THADA: variants seen among roughly 807,000 people sequenced by gnomAD.
THADA encodes tRNA (32-2'-O)-methyltransferase regulator THADA.
THADA carries 213 observed loss-of-function variants against 219.8 expected under a neutral mutation model. That is an observed-to-expected ratio of 0.97 (90% CI 0.87 to 1.09). THADA has a LOEUF of 1.09. Among genes scored for constraint, THADA ranks in the 50% least tolerant of loss-of-function variants. The pLI, the probability that THADA is intolerant of heterozygous loss-of-function variation, is 0.00. For synonymous variants in THADA, 1,018 were observed against 828.9 expected (o/e 1.23, Z -3.92); for missense variants, 2,956 against 2,311.3 (o/e 1.28, Z -5.72).
At chr2:43,403,379 T>G (rs1675115552) in intron 28 of THADA, among the ~76,000 whole-genome samples, 1 of 152,168 alleles carries the variant, frequency 6.6e-6, no homozygotes, top group Non-Finnish European at 1.5e-5. Flanking sequence ...GAACACTTAT[T>G]AAAGACCAGG....
At chr2:43,572,617 C>G (rs1699419735) in intron 12 of THADA, among the ~76,000 whole-genome samples, 197 bp downstream of exon 12, 1 of 152,108 alleles carries the variant, frequency 6.6e-6, no homozygotes, top group South Asian at 2.1e-4. Context: ...TGTAAGTTTT[C>G]TTACATCCTC....
At chr2:43,312,720 T>TC (rs1677649867) in intron 31 of THADA, among the ~76,000 whole-genome samples, 1 of 149,026 alleles carries the variant, frequency 6.7e-6, no homozygotes, top group South Asian at 2.1e-4. Flanking sequence ...AAAGCCTGTT[T>TC]TTTTTTTTTT....
At chr2:43,502,799 T>A (rs1379174417) in intron 24 of THADA, among the ~76,000 whole-genome samples, 5 of 151,878 alleles carry the variant, frequency 3.3e-5, no homozygotes, top group African/African-American at 9.7e-5. Context: ...AGAATATATA[T>A]GTAATTCAAA....
intron 25 of THADA, among the ~76,000 whole-genome samples, chr2:43,485,837 C>T (rs1686849220): frequency 6.6e-6 from 1 of 151,120 alleles, no homozygotes; most frequent in Non-Finnish European, 1.5e-5. Flanking sequence ...TGAGACCAGC[C>T]TGGGCAATAC....
intron 28 of THADA, among the ~76,000 whole-genome samples, chr2:43,413,564 T>C (rs1431051322): frequency 6.6e-6 from 1 of 152,256 alleles, no homozygotes; most frequent in Non-Finnish European, 1.5e-5. Context: ...AATATCACTA[T>C]TTGATAATCA....
rs547084910 is a variant in THADA, at chr2:43,274,533, A to C, written c.5296+5232T>G. On this transcript the variant is annotated intron_variant, in intron 36 of 37. Coordinates refer to ENST00000405975, the MANE Select transcript of THADA (RefSeq NM_022065.5). ...GAGAGAACTAAAGCACAGGAAAGGG[A>C]AAATGATAAAAGCGTAGAATAGCAA... Among the ~76,000 whole-genome samples, 4 of 152,334 alleles carry C rather than the reference A, an allele frequency of 2.6e-5. No individual in the cohort carries two copies. In the South Asian group the frequency reaches 8.3e-4, roughly 32 times the overall value.
At chr2:43,257,406 G>A (rs1166840304) in intron 36 of THADA, among the ~76,000 whole-genome samples, 2 of 152,240 alleles carry the variant, frequency 1.3e-5, no homozygotes, top group Non-Finnish European at 2.9e-5. Context: ...CAATCATAAA[G>A]AGGAGAGAGG....
chr2:43,293,828 T>C (rs1675039419), intron 31 of THADA, among the ~76,000 whole-genome samples: 1 of 152,214 alleles, frequency 6.6e-6, no homozygotes, highest in African/African-American at 2.4e-5. Flanking sequence ...ATGGGGTCAC[T>C]GTCTCTCATT....
intron 31 of THADA, among the ~76,000 whole-genome samples, chr2:43,312,505 A>C (rs2104441654): frequency 6.6e-6 from 1 of 152,272 alleles, no homozygotes; most frequent in South Asian, 2.1e-4. Flanking sequence ...TACTCAGCGC[A>C]AGGTTTGGAA....
chr2:43,504,908 G>A (rs546139826), intron 24 of THADA, among the ~76,000 whole-genome samples: 3 of 152,276 alleles, frequency 2.0e-5, no homozygotes, highest in East Asian at 3.9e-4. Flanking sequence ...CCAAAAAGGA[G>A]TGTCCTACTA....
chr2:43,311,108 G>A (rs1277545649), intron 31 of THADA, among the ~76,000 whole-genome samples: 3 of 152,034 alleles, frequency 2.0e-5, no homozygotes, highest in South Asian at 4.1e-4. Flanking sequence ...ACCGGGAGGC[G>A]GAGGTTGCAG....
chr2:43,445,409 G>C (rs1363771318), intron 26 of THADA, among the ~76,000 whole-genome samples: 1 of 152,182 alleles, frequency 6.6e-6, no homozygotes, highest in Admixed American at 6.5e-5. Flanking sequence ...GCTGACACTA[G>C]CTTTTCTCCC....
At chr2:43,584,963 C>T (rs138206134) in intron 7 of THADA, among the ~76,000 whole-genome samples, 137 of 152,272 alleles carry the variant, frequency 9.0e-4, no homozygotes, top group African/African-American at 3.1e-3. Flanking sequence ...GCACAGTGCA[C>T]GCCAAATACT....
Position 43,431,982 on chromosome 2 carries a change from A to G in THADA, c.3837-1680T>C, listed in dbSNP as rs1178606841. Among the ~76,000 whole-genome samples, 10 of 121,890 alleles carry G rather than the reference A, an allele frequency of 8.2e-5. No individual in the cohort carries two copies. In the South Asian group the frequency reaches 2.5e-3, roughly 30 times the overall value. The allele number at this position is 121,890 out of a possible 152,430, so 80.0% of individuals were successfully genotyped here. Reference sequence around the variant, plus strand: ...CGCCATTCTCCTGCCTCAGCCTCCCAAGTAGCTGGGACTACAGGCGCCCGC... The same window carrying G: ...CGCCATTCTCCTGCCTCAGCCTCCCGAGTAGCTGGGACTACAGGCGCCCGC... On this transcript the variant is annotated intron_variant, in intron 26 of 37. Coordinates refer to ENST00000405975, the MANE Select transcript of THADA (RefSeq NM_022065.5).
intron 10 of THADA, among the ~76,000 whole-genome samples, chr2:43,576,022 G>C (rs1699818323): frequency 6.6e-6 from 1 of 152,046 alleles, no homozygotes; most frequent in South Asian, 2.1e-4. Context: ...AAATTCTAAA[G>C]CACTACACAT....
intron 24 of THADA, among the ~76,000 whole-genome samples, 172 bp downstream of exon 24, chr2:43,505,450 C>A (rs1229059131): frequency 2.6e-5 from 4 of 151,994 alleles, no homozygotes. Flanking sequence ...CAACTGCAGG[C>A]GGCTGAGGCA....
At position 43,293,002 on chromosome 2, in the gene THADA, T is replaced by C. The variant is rs777929892; in HGVS notation, c.4650A>G (p.Glu1550=). 6.2e-7 allele frequency: 1 copy of C among 1,613,998 alleles called. No individual in the cohort carries two copies. Among genetic ancestry groups the C allele is most frequent in the South Asian group, 1.1e-5 (1 of 91,082 alleles). ...NVPISFSQLL[E]SAFPEVRSLT... ...GTGAGCGCACTTCAGGGAAGGCAGATTCTAACAGCTGAGAGAAAGAGATGG... is the reference window on the plus strand; with the variant it reads ...GTGAGCGCACTTCAGGGAAGGCAGACTCTAACAGCTGAGAGAAAGAGATGG... Residue 1550 remains glutamate (E), a synonymous_variant, in exon 32 of 38, where the codon GAA becomes GAG. Coordinates refer to ENST00000405975, the MANE Select transcript of THADA (RefSeq NM_022065.5).
At chr2:43,324,042 A>G (rs1300089231) in intron 30 of THADA, among the ~76,000 whole-genome samples, 1 of 152,162 alleles carries the variant, frequency 6.6e-6, no homozygotes, top group Non-Finnish European at 1.5e-5. Context: ...GCCTGCTCCC[A>G]TGTGGCCTCA....
At chr2:43,588,677 G>A (rs1470738564) in intron 4 of THADA, among the ~76,000 whole-genome samples, 1 of 152,062 alleles carries the variant, frequency 6.6e-6, no homozygotes, top group East Asian at 1.9e-4. Flanking sequence ...AAGATTTAAA[G>A]ATTGATAGTA....
Sources: gnomAD v4.1 joint callset for allele counts (sites outside exome capture counted in the v4.1 genomes callset) on GRCh38, gnomAD v4.1.1 for gene constraint, MANE v1.5 for transcripts, NCBI Gene and HGNC (gene_info 2026-07-23, HGNC 2026-07-21) for gene names.